Variants in VPS54 observed in about 807,000 individuals in gnomAD.
VPS54 encodes the protein VPS54 subunit of GARP complex, also known as vacuolar protein sorting-associated protein 54.
VPS54 carries 45 observed loss-of-function variants against 121.5 expected under a neutral mutation model. The ratio of observed to expected loss-of-function variants is 0.37; its 90% CI spans 0.29 to 0.47. VPS54 has a LOEUF of 0.47. Ranked by LOEUF, VPS54 falls within the 20% of genes least tolerant of loss-of-function variation. The probability of loss-of-function intolerance (pLI) is 0.99; values close to 1 mark genes in which losing one functional copy is unlikely to be tolerated. For missense variants in VPS54, 1,090 were observed against 1,131.4 expected, an observed-to-expected ratio of 0.96 and a Z score of 0.52; for synonymous variants, 371 against 385.8, an observed-to-expected ratio of 0.96 and a Z score of 0.45.
intron 1 of VPS54, among the ~76,000 whole-genome samples, chr2:64,005,987 T>C (rs561893960): frequency 2.6e-5 from 4 of 151,622 alleles, no homozygotes; most frequent in Non-Finnish European, 5.9e-5. Flanking sequence ...GAGTATGAGA[T>C]AGTCTATTAA....
intron 21 of VPS54, among the ~76,000 whole-genome samples, 163 bp from the exon 22 acceptor site, chr2:63,897,753 A>AT (rs1427472005): frequency 9.9e-5 from 15 of 152,098 alleles, no homozygotes; most frequent in African/African-American, 1.2e-4. Context: ...ATTTCACTAC[A>AT]TTTTTTCTCC....
intron 12 of VPS54, among the ~76,000 whole-genome samples, chr2:63,928,962 G>C (rs946678018): frequency 6.6e-6 from 1 of 151,694 alleles, no homozygotes; most frequent in East Asian, 1.9e-4. Flanking sequence ...TCAACAAGAA[G>C]AACTAACTAT....
chr2:63,961,445 G>A (rs1675765326), intron 7 of VPS54, among the ~76,000 whole-genome samples: 1 of 152,278 alleles, frequency 6.6e-6, no homozygotes, highest in East Asian at 1.9e-4. Context: ...TTTCCCAGCA[G>A]ATATGAACTT....
At chr2:63,951,207 T>C (rs1005947303) in intron 7 of VPS54, among the ~76,000 whole-genome samples, 8 of 33,916 alleles carry the variant, frequency 2.4e-4, no homozygotes, top group East Asian at 6.8e-4. Flanking sequence ...CAAATTTCCC[T>C]TTTTTTTTTT....
At chr2:63,992,448 A>G (rs768295376) in intron 1 of VPS54, among the ~76,000 whole-genome samples, 38 of 152,184 alleles carry the variant, frequency 2.5e-4, no homozygotes, top group Non-Finnish European at 4.9e-4. Context: ...ACCCCTCCCA[A>G]TTACTATAAA....
In VPS54 at chr2:64,019,415, C is replaced by T. The variant is rs1334660139; in HGVS notation, c.-498G>A. ...ACAGCGCCGGAGGCCGCCGCAGCCC[C>T]CAGCCCACAATCCACCGCGCGGCTC... On this transcript the variant is annotated 5_prime_UTR_variant, in exon 1 of 23. Coordinates refer to ENST00000272322, the MANE Select transcript of VPS54 (RefSeq NM_016516.3). Among the ~76,000 whole-genome samples, 1 of 151,224 alleles carries T rather than the reference C, an allele frequency of 6.6e-6. No individual in the cohort carries two copies.
chr2:63,913,219 A>G lies in VPS54; in HGVS notation c.2422+4T>C. ...GCAAGTGAATTAAACGCAAGAATCC[A>G]TACCCAAATTTTTTGTAGTTATCGT... is the stretch of plus-strand genomic sequence containing the variant. On this transcript the variant is annotated splice_donor_region_variant and intron_variant, in intron 18 of 22. Coordinates refer to ENST00000272322, the MANE Select transcript of VPS54 (RefSeq NM_016516.3). 6.2e-7 allele frequency: 1 copy of G among 1,608,632 alleles called. No individual in the cohort carries two copies. Among genetic ancestry groups the G allele is most frequent in the Non-Finnish European group, 8.5e-7 (1 of 1,177,858 alleles).
rs934105197 is a variant in VPS54 at position 63,914,151 on chromosome 2, T to C, written c.2334+31A>G. The stretch of plus-strand genomic sequence containing the variant: ...CCTAATGTATTAATTCCTCGAAAAA[T>C]TTTTCCATAATGGAGTGAAGTCATA... On this transcript the variant is annotated intron_variant, in intron 17 of 22. Transcript: ENST00000272322. 2.6e-6 allele frequency: 4 copies of C among 1,563,858 alleles called. No homozygotes were observed. The Admixed American group carries it at 6.9e-5, about 27-fold the overall frequency.
At chr2:63,991,579 C>G (rs1455101462) in intron 1 of VPS54, among the ~76,000 whole-genome samples, 1 of 152,174 alleles carries the variant, frequency 6.6e-6, no homozygotes, top group Non-Finnish European at 1.5e-5. Flanking sequence ...AACTTAAAAG[C>G]GGCCAAGCCG....
chr2:63,986,830 CTGA>C (rs1366807380), intron 1 of VPS54, among the ~76,000 whole-genome samples: 13 of 152,174 alleles, frequency 8.5e-5, no homozygotes, highest in Non-Finnish European at 1.8e-4. Flanking sequence ...TTGCATTCCT[CTGA>C]TGATAAATAC....
At chr2:63,966,107 T>C in intron 5 of VPS54, 141 bp from the exon 6 acceptor site, 1 of 784,154 alleles carries the variant, frequency 1.3e-6, no homozygotes, top group South Asian at 2.0e-5. Flanking sequence ...GTTGAGTTCT[T>C]TACACAAATA....
At chr2:63,905,293 GA>G (rs1672856440) in intron 20 of VPS54, among the ~76,000 whole-genome samples, 1 of 152,076 alleles carries the variant, frequency 6.6e-6, no homozygotes. Flanking sequence ...CTTCTAGCCA[GA>G]AAGGGGGAGG....
rs768524892 is a variant in VPS54, at chr2:63,965,806, CT to C, written c.624+28del. The C allele has an allele frequency of 5.6e-6, 9 of 1,607,880 alleles. No homozygotes were observed. The Admixed American group carries it at 1.5e-4, about 28-fold the overall frequency. On this transcript the variant is annotated intron_variant, in intron 6 of 22. Transcript: ENST00000272322. ...AGTACCGCTTAACTAGAATAGTTTC[CT>C]ACATGGAAAAAGTCAAAAAGAAATT...
intron 7 of VPS54, among the ~76,000 whole-genome samples, chr2:63,959,542 T>C (rs1675655083): frequency 6.6e-6 from 1 of 152,148 alleles, no homozygotes; most frequent in Non-Finnish European, 1.5e-5. Flanking sequence ...AATAGAAAGA[T>C]ATTGAGCAAA....
chr2:64,002,560 T>A (rs774954553), intron 1 of VPS54, among the ~76,000 whole-genome samples: 63 of 152,256 alleles, frequency 4.1e-4, no homozygotes, highest in Non-Finnish European at 6.6e-4. Context: ...TATGTTGATA[T>A]CTTGATTTAT....
chr2:63,913,246 T>G lies in VPS54; in HGVS notation c.2399A>C (p.Lys800Thr). The G allele has an allele frequency of 6.2e-7, 1 of 1,610,606 alleles. No individual in the cohort carries two copies. The highest frequency in any genetic ancestry group is 8.5e-7 in the Non-Finnish European group (1 of 1,178,612). ...ACCCAAATTTTTTGTAGTTATCGTT[T>G]TTAGTCCAACAACTTGCAGTGCACC... ...GAGALQVVGL[K>T]TITTKNLALS... is the part of the protein sequence containing the mutation. Residue 800 changes from lysine (K) to threonine (T), a missense_variant, in exon 18 of 23, where the codon AAA becomes ACA. Physicochemically the swap from Lys to Thr is moderately conservative, Grantham distance 78 (BLOSUM62 -1). This residue lies in a region of VPS54 where 289 missense variants were observed against 374.4 expected (regional missense o/e 0.77). Transcript: ENST00000272322.
Position 63,920,011 on chromosome 2 carries a change from G to C in VPS54, c.2052-16C>G. ...TAAGAGGAGGCTAGTCCACAGTAAG[G>C]AGAAAAGAAGGTAAACTTTAACATT... is the stretch of plus-strand genomic sequence containing the variant. On this transcript the variant is annotated splice_polypyrimidine_tract_variant and intron_variant, in intron 14 of 22. Coordinates refer to ENST00000272322, the MANE Select transcript of VPS54 (RefSeq NM_016516.3). The C allele has an allele frequency of 6.3e-7, 1 of 1,589,324 alleles. No homozygotes were observed. Among genetic ancestry groups the C allele is most frequent in the Non-Finnish European group, 8.6e-7 (1 of 1,166,774 alleles).
chr2:63,991,463 G>C (rs1677313591), intron 1 of VPS54, among the ~76,000 whole-genome samples: 1 of 152,112 alleles, frequency 6.6e-6, no homozygotes, highest in Non-Finnish European at 1.5e-5. Flanking sequence ...TATTCTGTGG[G>C]CACGGGCCAT....
At chr2:63,902,361 G>A (rs528895843) in intron 20 of VPS54, among the ~76,000 whole-genome samples, 47 of 152,254 alleles carry the variant, frequency 3.1e-4, no homozygotes, top group Admixed American at 1.3e-3. Context: ...TACTACTGAA[G>A]GAGTTGGAAG....
Sources: gnomAD v4.1 joint callset for allele counts (sites outside exome capture counted in the v4.1 genomes callset) on GRCh38, gnomAD v4.1.1 for gene constraint, gnomAD v4.1.1 regional missense constraint, MANE v1.5 for transcripts, NCBI Gene and HGNC (gene_info 2026-07-23, HGNC 2026-07-21) for gene names.